Variants in COL26A1 observed in about 807,000 individuals in gnomAD.
COL26A1 encodes the protein collagen type XXVI alpha 1 chain.
A neutral mutation model predicts 59.3 loss-of-function variants in COL26A1; 41 were observed. The observed-to-expected ratio is 0.69, with a 90% CI of 0.54 to 0.90. COL26A1 has a LOEUF of 0.90. Ranked by LOEUF, COL26A1 falls within the 40% of genes least tolerant of loss-of-function variation. COL26A1 has a pLI of 0.00. For missense variants in COL26A1, 612 were observed against 602.3 expected (o/e 1.02, Z -0.17); for synonymous variants, 266 against 256.0 (o/e 1.04, Z -0.37).
intron 3 of COL26A1, among the ~76,000 whole-genome samples, chr7:101,507,705 A>G (rs1309615005): frequency 1.3e-5 from 2 of 152,058 alleles, no homozygotes; most frequent in African/African-American, 4.8e-5. Flanking sequence ...GGCGTGAGCC[A>G]CCACAAAGTG....
chr7:101,364,088 C>T (rs1216928657), intron 1 of COL26A1, among the ~76,000 whole-genome samples: 3 of 152,132 alleles, frequency 2.0e-5, no homozygotes, highest in African/African-American at 7.2e-5. Flanking sequence ...ACCCGCCAGG[C>T]GTCTCCTTCC....
rs1378498316 is a variant in COL26A1 at position 101,467,433 on chromosome 7, AT to A, written c.385+19648del. 1.3e-5 allele frequency among the ~76,000 whole-genome samples: 2 copies of A among 150,966 alleles called. 1 individual carries two copies. Among genetic ancestry groups the A allele is most frequent in the Non-Finnish European group, 3.0e-5 (2 of 67,424 alleles). On this transcript the variant is annotated intron_variant, in intron 3 of 12. Coordinates refer to ENST00000313669, the MANE Select transcript of COL26A1 (RefSeq NM_001278563.3). ...GTCTGATTTACACAGCGCCCGAGAG[AT>A]TGGTCAGACCAGGTGTGACGTTTGC...
intron 1 of COL26A1, among the ~76,000 whole-genome samples, chr7:101,385,248 T>TACACACAC (rs71106514): frequency 1.8e-4 from 27 of 148,108 alleles, no homozygotes; most frequent in Admixed American, 9.5e-4. Context: ...TATATATATA[T>TACACACAC]ATACACACAC....
In COL26A1 at chr7:101,468,051, C is replaced by A. The variant is rs1584434277; in HGVS notation, c.385+20264C>A. 2.0e-5 allele frequency among the ~76,000 whole-genome samples: 3 copies of A among 152,008 alleles called. No homozygotes were observed. In the South Asian group the frequency reaches 6.2e-4, roughly 32 times the overall value. On this transcript the variant is annotated intron_variant, in intron 3 of 12. Coordinates refer to ENST00000313669, the MANE Select transcript of COL26A1 (RefSeq NM_001278563.3). ...AAAGAAATGATTCACACTTGTAATC[C>A]CAGCACTTTGGGAGGCCAAGTCTGG...
chr7:101,549,139 C>T (rs1207567634), intron 8 of COL26A1, 32 bp from the exon 9 acceptor site: 1 of 1,445,018 alleles, frequency 6.9e-7, no homozygotes, highest in South Asian at 1.3e-5. Context: ...CCCTCTCTGG[C>T]CCCAGGTGAC....
chr7:101,474,659 C>T (rs1793990559), intron 3 of COL26A1, among the ~76,000 whole-genome samples: 1 of 152,064 alleles, frequency 6.6e-6, no homozygotes, highest in South Asian at 2.1e-4. Flanking sequence ...GGTGAAAGGC[C>T]TCTGCATGAT....
intron 3 of COL26A1, among the ~76,000 whole-genome samples, chr7:101,491,728 G>A (rs895154408): frequency 8.5e-5 from 13 of 152,128 alleles, no homozygotes; most frequent in African/African-American, 1.2e-4. Flanking sequence ...CACTCTCATC[G>A]CCATCTTGGT....
At chr7:101,435,782 CT>C (rs1441782364) in intron 2 of COL26A1, among the ~76,000 whole-genome samples, 1 of 152,164 alleles carries the variant, frequency 6.6e-6, no homozygotes, top group Non-Finnish European at 1.5e-5. Flanking sequence ...TCCCAGGCCC[CT>C]CGGAGTCCTT....
intron 3 of COL26A1, among the ~76,000 whole-genome samples, chr7:101,511,050 A>G (rs947108217): frequency 9.2e-5 from 14 of 151,648 alleles, no homozygotes; most frequent in African/African-American, 3.4e-4. Context: ...ACAGGCGCCC[A>G]CCACCATGCC....
chr7:101,404,146 C>T (rs112087014), intron 1 of COL26A1, among the ~76,000 whole-genome samples: 9 of 152,178 alleles, frequency 5.9e-5, no homozygotes, highest in East Asian at 1.9e-4. Context: ...AAGCCTGGAG[C>T]GGTGGCAGCC....
chr7:101,443,755 C>G (rs1256694728), intron 2 of COL26A1, among the ~76,000 whole-genome samples: 1 of 151,800 alleles, frequency 6.6e-6, no homozygotes, highest in Non-Finnish European at 1.5e-5. Context: ...AATTTCGAAA[C>G]TGTGGGAGTG....
chr7:101,492,076 G>A (rs1263093380), intron 3 of COL26A1, among the ~76,000 whole-genome samples: 1 of 152,098 alleles, frequency 6.6e-6, no homozygotes, highest in Non-Finnish European at 1.5e-5. Context: ...GTGCTCACCT[G>A]GAGGCCAAGA....
At chr7:101,471,004 A>G (rs532458005) in intron 3 of COL26A1, among the ~76,000 whole-genome samples, 68 of 152,180 alleles carry the variant, frequency 4.5e-4, no homozygotes, top group Admixed American at 3.3e-3. Context: ...GGAAATTCCA[A>G]GGGTCTTAGG....
intron 1 of COL26A1, among the ~76,000 whole-genome samples, chr7:101,364,537 G>A (rs1412533665): frequency 6.6e-6 from 1 of 151,106 alleles, no homozygotes; most frequent in South Asian, 2.1e-4. Context: ...GCTAGGCCTA[G>A]GAGCCACTCA....
intron 3 of COL26A1, among the ~76,000 whole-genome samples, chr7:101,459,133 C>T (rs1388238012): frequency 2.3e-4 from 35 of 151,756 alleles, no homozygotes; most frequent in Admixed American, 2.3e-3. Flanking sequence ...TCTTTTTGTT[C>T]CTAATTAGGT....
rs533814792 is a variant in COL26A1, at chr7:101,431,555, C to T, written c.281+11456C>T. On this transcript the variant is annotated intron_variant, in intron 2 of 12. Coordinates refer to ENST00000313669, the MANE Select transcript of COL26A1 (RefSeq NM_001278563.3). Reference sequence around the variant, plus strand: ...ATTAACAGAGGTGAGCCACCATGCCCGGCTGTAAGGTTTTCAAAGATGCTT... The same window carrying T: ...ATTAACAGAGGTGAGCCACCATGCCTGGCTGTAAGGTTTTCAAAGATGCTT... Among the ~76,000 whole-genome samples the T allele has an allele frequency of 8.9e-4, 135 of 152,182 alleles. 1 individual carries two copies. The highest frequency in any genetic ancestry group is 2.3e-3 in the African/African-American group (97 of 41,538).
chr7:101,539,315 T>C (rs1795554668), intron 4 of COL26A1, among the ~76,000 whole-genome samples: 2 of 151,486 alleles, frequency 1.3e-5, no homozygotes, highest in African/African-American at 4.9e-5. Flanking sequence ...TGTGTGTGTG[T>C]GTGTGCGTAT....
rs373467289 is a variant in COL26A1, at chr7:101,493,802, G to A, written c.386-39280G>A. The stretch of plus-strand genomic sequence containing the variant: ...AAAAAAATTAGCCGGGCGTGGTGGC[G>A]GGCGTCTGTAGTCCCAGCTACTTGG... On this transcript the variant is annotated intron_variant, in intron 3 of 12. Transcript: ENST00000313669. Among the ~76,000 whole-genome samples, 219 of 150,406 alleles carry A rather than the reference G, an allele frequency of 1.5e-3. 1 individual carries two copies. Among genetic ancestry groups the A allele is most frequent in the African/African-American group, 4.9e-3 (202 of 41,010 alleles).
chr7:101,449,694 T>C (rs1022672629), intron 3 of COL26A1, among the ~76,000 whole-genome samples: 8 of 152,172 alleles, frequency 5.3e-5, no homozygotes, highest in African/African-American at 1.9e-4. Context: ...CACTGATGTA[T>C]GTGTGTATAC....
Sources: allele counts gnomAD v4.1 joint callset (sites outside exome capture counted in the v4.1 genomes callset), GRCh38; gene constraint gnomAD v4.1.1; transcripts MANE v1.5; gene names NCBI Gene and HGNC (gene_info 2026-07-23, HGNC 2026-07-21).